SLC37A1: variants seen among roughly 807,000 people sequenced by gnomAD.
The protein encoded by SLC37A1 is solute carrier family 37 member 1, also known as glucose-6-phosphate exchanger SLC37A1.
In SLC37A1, 49 loss-of-function variants were observed where a neutral mutation model predicts 75.3. That is an observed-to-expected ratio of 0.65 (90% CI 0.52 to 0.83). SLC37A1 has a LOEUF of 0.83. SLC37A1 is among the 40% of genes least tolerant of loss of function. The pLI is 0.00. For synonymous variants in SLC37A1, 268 were observed against 292.1 expected, an observed-to-expected ratio of 0.92 and a Z score of 0.84; for missense variants, 566 against 695.0, an observed-to-expected ratio of 0.81 and a Z score of 2.09.
At chr21:42,543,661 G>A in intron 8 of SLC37A1, 59 bp downstream of exon 8, 2 of 1,518,006 alleles carry the variant, frequency 1.3e-6, no homozygotes, top group Non-Finnish European at 1.8e-6. Flanking sequence ...TTCCCTGCCT[G>A]GGTGGGCCTT....
chr21:42,567,230 T>C (rs1439088272), intron 16 of SLC37A1, among the ~76,000 whole-genome samples, 172 bp downstream of exon 16: 2 of 152,250 alleles, frequency 1.3e-5, no homozygotes, highest in Admixed American at 6.5e-5. Flanking sequence ...CTGCTCACCC[T>C]TCTCCTAAAA....
At chr21:42,549,633 C>T (rs935544698) in intron 9 of SLC37A1, among the ~76,000 whole-genome samples, 2 of 152,216 alleles carry the variant, frequency 1.3e-5, no homozygotes, top group South Asian at 2.1e-4. Context: ...AGGACACCAA[C>T]GAGACCCTTG....
rs1413052723 is a variant in SLC37A1, at chr21:42,514,528, C to T, written c.-368C>T. On this transcript the variant is annotated 5_prime_UTR_variant, in exon 1 of 20. Transcript: ENST00000352133. The surrounding 1 kb of genome is among the most constrained non-coding windows in gnomAD (Gnocchi z 4.8). ...AGAACGCTGGCTCGGAGCGCCGGCA[C>T]CCTGGGCCTTTGCGTTGTTTGTCGG... 2.6e-5 allele frequency: 4 copies of T among 152,294 alleles called. No homozygotes were observed. Among genetic ancestry groups the T allele is most frequent in the African/African-American group, 9.6e-5 (4 of 41,472 alleles). The allele number at this position is 152,294 out of a possible 1,614,324, so 9.4% of individuals were successfully genotyped here. A position where few individuals can be genotyped will look rare whatever the true frequency, so the allele number is the denominator to read the frequency against.
intron 2 of SLC37A1, among the ~76,000 whole-genome samples, chr21:42,519,957 A>AGC (rs1555879901): frequency 2.3e-3 from 245 of 106,406 alleles, no homozygotes; most frequent in Non-Finnish European, 2.5e-3. Context: ...GCCCCTCCAC[A>AGC]GTGTGTTTGT....
intron 7 of SLC37A1, 139 bp downstream of exon 7, chr21:42,542,619 T>C (rs2055311826): frequency 1.2e-6 from 1 of 820,216 alleles, no homozygotes; most frequent in Non-Finnish European, 1.9e-6. Context: ...GGGGCTTGAA[T>C]TGCTGAAATT....
At chr21:42,501,999 C>T (rs2054346219) in intron 1 of SLC37A1, among the ~76,000 whole-genome samples, 3 of 152,152 alleles carry the variant, frequency 2.0e-5, no homozygotes, top group Admixed American at 6.5e-5. Context: ...CAGAATAAGG[C>T]TCCCCCTACC....
At chr21:42,507,069 G>A (rs2054390240) in intron 2 of SLC37A1, among the ~76,000 whole-genome samples, 1 of 152,122 alleles carries the variant, frequency 6.6e-6, no homozygotes, top group South Asian at 2.1e-4. Context: ...TTTCAGTAGA[G>A]ACGGGATTTC....
At chr21:42,569,999 C>T (rs1048050354) in intron 17 of SLC37A1, among the ~76,000 whole-genome samples, 154 of 151,336 alleles carry the variant, frequency 1.0e-3, no homozygotes, top group African/African-American at 3.2e-3. Context: ...TTCTGAGAAG[C>T]GGCGGGCAGG....
intron 6 of SLC37A1, 44 bp from the exon 7 acceptor site, chr21:42,542,360 G>C: frequency 6.3e-7 from 1 of 1,588,756 alleles, no homozygotes; most frequent in South Asian, 1.1e-5. Flanking sequence ...GCTGTCCCGG[G>C]CCTGCTTCCC....
intron 9 of SLC37A1, among the ~76,000 whole-genome samples, chr21:42,553,083 C>T (rs1040956803): frequency 6.6e-6 from 1 of 152,218 alleles, no homozygotes; most frequent in Non-Finnish European, 1.5e-5. Context: ...TGGGATCCAA[C>T]TGTCCATCTG....
At chr21:42,516,218 A>G (rs538770920) in intron 1 of SLC37A1, among the ~76,000 whole-genome samples, 12 of 152,366 alleles carry the variant, frequency 7.9e-5, no homozygotes, top group African/African-American at 2.4e-4. Context: ...GTTTAAACCA[A>G]GTGATTTGCT....
At position 42,548,252 on chromosome 21, in the gene SLC37A1, T is replaced by G. The variant is rs1279853426; in HGVS notation, c.768+1112T>G. On this transcript the variant is annotated intron_variant, in intron 9 of 19. Transcript: ENST00000352133. The surrounding 1 kb of genome is among the most constrained non-coding windows in gnomAD (Gnocchi z 5.6). ...TCGAGTCACCATGCTGTCCCCAGAG[T>G]GACCCACCCCTGAGCTCCGCAATCT... Among the ~76,000 whole-genome samples, 1 of 152,042 alleles carries G rather than the reference T, an allele frequency of 6.6e-6. No individual in the cohort carries two copies. The highest frequency in any genetic ancestry group is 6.5e-5 in the Admixed American group (1 of 15,270).
At chr21:42,550,845 C>T (rs1171999712) in intron 9 of SLC37A1, among the ~76,000 whole-genome samples, 1 of 152,228 alleles carries the variant, frequency 6.6e-6, no homozygotes, top group East Asian at 1.9e-4. Context: ...TCAGTAGAAG[C>T]AGGCAAAGCA....
At chr21:42,543,327 T>C (rs761240046) in intron 7 of SLC37A1, 109 bp from the exon 8 acceptor site, 6 of 1,285,388 alleles carry the variant, frequency 4.7e-6, no homozygotes, top group East Asian at 2.3e-5. Flanking sequence ...TGGCCCCCCG[T>C]TGATTCTGCG....
chr21:42,500,926 G>A (rs1476564605), intron 1 of SLC37A1, among the ~76,000 whole-genome samples: 2 of 152,222 alleles, frequency 1.3e-5, no homozygotes, highest in African/African-American at 2.4e-5. Context: ...GTCAATGGAA[G>A]GCTATTGAAA....
At chr21:42,571,272 C>T (rs890828585) in intron 17 of SLC37A1, among the ~76,000 whole-genome samples, 4 of 152,166 alleles carry the variant, frequency 2.6e-5, no homozygotes, top group Non-Finnish European at 5.9e-5. Flanking sequence ...CGGGTGGAGG[C>T]GAAACATGAC....
chr21:42,518,963 C>T (rs927133674), intron 2 of SLC37A1, among the ~76,000 whole-genome samples: 2 of 152,194 alleles, frequency 1.3e-5, no homozygotes, highest in Non-Finnish European at 2.9e-5. Context: ...GAGAGTGCCT[C>T]GCCTTGCATA....
chr21:42,558,992 G>A lies in SLC37A1; in HGVS notation c.884G>A (p.Gly295Glu). Residue 295 changes from glycine to glutamate, a missense_variant, in exon 11 of 20, where the codon GGG becomes GAG. Coordinates refer to ENST00000352133, the MANE Select transcript of SLC37A1 (RefSeq NM_001320537.2). ...PEMQCLLLSD[G>E]KGSIHPNHVV... Reference sequence around the variant, plus strand: ...ATGCAGTGCCTGCTGCTCTCAGATGGGAAGGGCTCCATCCACCCGAACCAC... The same window carrying A: ...ATGCAGTGCCTGCTGCTCTCAGATGAGAAGGGCTCCATCCACCCGAACCAC... The A allele has an allele frequency of 6.2e-7, 1 of 1,613,824 alleles. No individual in the cohort carries two copies. Among genetic ancestry groups the A allele is most frequent in the Non-Finnish European group, 8.5e-7 (1 of 1,179,892 alleles).
chr21:42,526,038 T>C (rs2054781897), intron 3 of SLC37A1, 181 bp downstream of exon 3: 1 of 551,906 alleles, frequency 1.8e-6, no homozygotes, highest in Non-Finnish European at 3.2e-6. Context: ...TTTTAAATGT[T>C]TTTTGGATTT....
Sources: allele counts gnomAD v4.1 joint callset (sites outside exome capture counted in the v4.1 genomes callset), GRCh38; gene constraint gnomAD v4.1.1; non-coding constraint Gnocchi (gnomAD v3.1); transcripts MANE v1.5; gene names NCBI Gene and HGNC (gene_info 2026-07-23, HGNC 2026-07-21).